The following ZNF592 variants were observed in gnomAD, a reference collection of about 807,000 sequenced individuals.
The protein encoded by ZNF592 is spinocerebellar ataxia, autosomal recessive 5.
ZNF592 carries 11 observed loss-of-function variants against 80.3 expected under a neutral mutation model. The observed-to-expected ratio is 0.14, with a 90% CI of 0.09 to 0.23. ZNF592 has a LOEUF of 0.23. Ranked by LOEUF, ZNF592 falls within the 10% of genes least tolerant of loss-of-function variation. The probability of loss-of-function intolerance (pLI) is 1.00; values close to 1 mark genes in which losing one functional copy is unlikely to be tolerated. For synonymous variants in ZNF592, 646 were observed against 640.3 expected, an observed-to-expected ratio of 1.01 and a Z score of -0.13; for missense variants, 1,420 against 1,633.9, an observed-to-expected ratio of 0.87 and a Z score of 2.26.
chr15:84,794,787 C>T (rs1450050095), intron 5 of ZNF592, among the ~76,000 whole-genome samples: 2 of 152,154 alleles, frequency 1.3e-5, no homozygotes, highest in African/African-American at 4.8e-5. Flanking sequence ...TGGACTCCAT[C>T]TTCTTTGGAG....
In ZNF592 at chr15:84,805,515, A is replaced by G. The variant is rs1963216069; in HGVS notation, c.*3122A>G. ...TCTAAGACTTGACAAATTACTTAGT[A>G]TTTATTTTCCAACTGCTTTATCTCT... On this transcript the variant is annotated 3_prime_UTR_variant, in exon 11 of 11. Coordinates refer to ENST00000560079, the MANE Select transcript of ZNF592 (RefSeq NM_014630.3). 6.5e-6 allele frequency: 1 copy of G among 152,762 alleles called. No individual in the cohort carries two copies. Among genetic ancestry groups the G allele is most frequent in the Middle Eastern group, 3.4e-3 (1 of 294 alleles). The allele number at this position is 152,762 out of a possible 1,614,324, so 9.5% of individuals were successfully genotyped here.
chr15:84,797,827 C>T lies in ZNF592; in HGVS notation c.2400-42C>T. 3 of 1,610,064 alleles carry T rather than the reference C, an allele frequency of 1.9e-6. No individual in the cohort carries two copies. In the South Asian group the frequency reaches 3.3e-5, roughly 18 times the overall value. On this transcript the variant is annotated intron_variant, in intron 5 of 10. Coordinates refer to ENST00000560079, the MANE Select transcript of ZNF592 (RefSeq NM_014630.3). ...AGCACCACCTCTGGGTCCAGTACTC[C>T]CTATACTCCACCCACACTCACACTA... is the stretch of plus-strand genomic sequence containing the variant.
In ZNF592 at chr15:84,803,429, C is replaced by T. The variant is rs1963156361; in HGVS notation, c.*1036C>T. On this transcript the variant is annotated 3_prime_UTR_variant, in exon 11 of 11. Coordinates refer to ENST00000560079, the MANE Select transcript of ZNF592 (RefSeq NM_014630.3). ...ATACTTCCTACTGTCTAAGGAAGGC[C>T]TTCTCTAGATTCTGGAGCTTGTGGT... is the stretch of plus-strand genomic sequence containing the variant. The T allele has an allele frequency of 6.6e-6, 1 of 152,630 alleles. No homozygotes were observed. The highest frequency in any genetic ancestry group is 2.4e-5 in the African/African-American group (1 of 41,438). The allele number at this position is 152,630 out of a possible 1,614,324, so 9.5% of individuals were successfully genotyped here.
rs781685879 is a variant in ZNF592, at chr15:84,802,099, C to T, written c.3510C>T (p.Arg1170=). The change falls in exon 11 of 11, where the codon CGC becomes CGT. Residue 1170 remains arginine, a synonymous_variant. Coordinates refer to ENST00000560079, the MANE Select transcript of ZNF592 (RefSeq NM_014630.3). The part of the protein sequence containing the change: ...LCYTSASSLS[R]HLFIVHKVRD... ...ACACCTCTGCCAGCTCCCTCAGCCG[C>T]CACCTCTTCATTGTCCACAAGGTGA... 10 of 1,612,850 alleles carry T rather than the reference C, an allele frequency of 6.2e-6. No homozygotes were observed. In the East Asian group the frequency reaches 2.2e-4, roughly 36 times the overall value.
chr15:84,801,790 G>T lies in ZNF592; in HGVS notation c.3274-73G>T, dbSNP rs1204055401. 1.9e-6 allele frequency: 3 copies of T among 1,611,934 alleles called. No individual in the cohort carries two copies. The African/African-American group carries it at 4.0e-5, about 22-fold the overall frequency. On this transcript the variant is annotated intron_variant, in intron 10 of 10. Coordinates refer to ENST00000560079, the MANE Select transcript of ZNF592 (RefSeq NM_014630.3). The stretch of plus-strand genomic sequence containing the variant: ...GGGTGGTGCTTTCTTTGAGTCCTTG[G>T]GCTCATGGTTATGTCTAGGGGCTCA...
intron 3 of ZNF592, 29 bp from the exon 4 acceptor site, chr15:84,782,628 A>C (rs760185760): frequency 1.2e-6 from 2 of 1,608,516 alleles, no homozygotes; most frequent in Admixed American, 1.7e-5. Flanking sequence ...CCTGGTGGTC[A>C]CTGATTCTGT....
intron 2 of ZNF592, among the ~76,000 whole-genome samples, chr15:84,776,687 TGGA>T (rs951901651): frequency 1.3e-5 from 2 of 151,974 alleles, no homozygotes; most frequent in African/African-American, 4.8e-5. Context: ...ACCCGGGAGG[TGGA>T]GGTTGCAGTG....
intron 5 of ZNF592, among the ~76,000 whole-genome samples, chr15:84,793,340 G>A (rs531821618): frequency 9.9e-5 from 15 of 152,274 alleles, no homozygotes; most frequent in African/African-American, 3.6e-4. Context: ...GCCTCCCAAA[G>A]TGCTGGGACT....
At chr15:84,786,272 G>C (rs1261186051) in intron 4 of ZNF592, among the ~76,000 whole-genome samples, 2 of 152,210 alleles carry the variant, frequency 1.3e-5, no homozygotes, top group Non-Finnish European at 2.9e-5. Context: ...TGAGAGTGGG[G>C]CTAAACCAAG....
At chr15:84,772,883 T>G (rs1962125066) in intron 2 of ZNF592, among the ~76,000 whole-genome samples, 1 of 152,228 alleles carries the variant, frequency 6.6e-6, no homozygotes, top group Non-Finnish European at 1.5e-5. Flanking sequence ...TAATGCTTTT[T>G]GGAGTCCCTC....
intron 3 of ZNF592, among the ~76,000 whole-genome samples, chr15:84,781,601 T>C (rs1962423459): frequency 6.6e-6 from 1 of 152,190 alleles, no homozygotes; most frequent in African/African-American, 2.4e-5. Flanking sequence ...TCTGAAAGAA[T>C]TGTGCCAATC....
At chr15:84,801,414 C>A (rs143317353) in intron 10 of ZNF592, among the ~76,000 whole-genome samples, 7 of 152,066 alleles carry the variant, frequency 4.6e-5, no homozygotes, top group African/African-American at 1.4e-4. Context: ...GTGGGAGGAT[C>A]GCTTAAGCCC....
chr15:84,800,527 G>C (rs928691372), intron 10 of ZNF592, among the ~76,000 whole-genome samples: 1 of 152,140 alleles, frequency 6.6e-6, no homozygotes, highest in Non-Finnish European at 1.5e-5. Context: ...ACCATGGTAG[G>C]GGGGTGCTGT....
chr15:84,791,686 T>C (rs1962754440), intron 5 of ZNF592, among the ~76,000 whole-genome samples: 1 of 152,160 alleles, frequency 6.6e-6, no homozygotes, highest in Non-Finnish European at 1.5e-5. Flanking sequence ...CATAAGAACA[T>C]AGGTAATTAT....
intron 1 of ZNF592, among the ~76,000 whole-genome samples, chr15:84,759,959 C>T (rs1035142931): frequency 2.3e-5 from 1 of 43,460 alleles, no homozygotes; most frequent in South Asian, 1.3e-3. Flanking sequence ...GAGATTCCCC[C>T]CCCCCCCACC....
chr15:84,800,812 G>A lies in ZNF592; in HGVS notation c.3273+835G>A, dbSNP rs377405778. On this transcript the variant is annotated intron_variant, in intron 10 of 10. Transcript: ENST00000560079. ...AGAGATCTTTTGCCTTGGGCATAAAGAAGTCTGCTAAAGGATGTTTGCTGC... is the reference window on the plus strand; with the variant it reads ...AGAGATCTTTTGCCTTGGGCATAAAAAAGTCTGCTAAAGGATGTTTGCTGC... Among the ~76,000 whole-genome samples the A allele has an allele frequency of 1.3e-3, 191 of 152,310 alleles. 4 individuals are homozygous for A. In the South Asian group the frequency reaches 0.037, roughly 29 times the overall value.
intron 1 of ZNF592, among the ~76,000 whole-genome samples, chr15:84,757,419 C>T (rs1326145367): frequency 3.3e-5 from 5 of 150,122 alleles, no homozygotes; most frequent in African/African-American, 1.2e-4. Context: ...AATCATAGCT[C>T]ATTACAGTCT....
chr15:84,802,205 G>T lies in ZNF592; in HGVS notation c.3616G>T (p.Gly1206Trp). ...GGTGGCAGAGCCAGAGGAGGGCTCC[G>T]GGGAGGAGGTGCCCATGGAGACTAG... The part of the protein sequence containing the change: ...VEVAEPEEGS[G>W]EEVPMETREN... Residue 1206 changes from glycine to tryptophan, a missense_variant, in exon 11 of 11, where the codon GGG becomes TGG. Physicochemically the swap from Gly to Trp is radical, Grantham distance 184. This residue lies in a region of ZNF592 where 145 missense variants were observed against 211.9 expected (regional missense o/e 0.68). Transcript: ENST00000560079. The T allele has an allele frequency of 6.2e-7, 1 of 1,600,246 alleles. No homozygotes were observed. Among genetic ancestry groups the T allele is most frequent in the Non-Finnish European group, 8.5e-7 (1 of 1,170,080 alleles).
chr15:84,769,927 C>T (rs1008621584), intron 2 of ZNF592, among the ~76,000 whole-genome samples: 1 of 152,132 alleles, frequency 6.6e-6, no homozygotes, highest in African/African-American at 2.4e-5. Context: ...AGGCATGGGC[C>T]ACTGTGCCCA....
Sources: allele counts gnomAD v4.1 joint callset (sites outside exome capture counted in the v4.1 genomes callset), GRCh38; gene constraint gnomAD v4.1.1; regional missense constraint gnomAD v4.1.1; transcripts MANE v1.5; gene names NCBI Gene and HGNC (gene_info 2026-07-23, HGNC 2026-07-21).